Variants in MDGA1 observed in about 807,000 individuals in gnomAD.
MDGA1 encodes MAM domain containing glycosylphosphatidylinositol anchor 1.
A neutral mutation model predicts 101.5 loss-of-function variants in MDGA1; 54 were observed. The observed-to-expected ratio is 0.53, with a 90% confidence interval of 0.43 to 0.67. The LOEUF is 0.67. Among genes scored for constraint, MDGA1 ranks in the 30% least tolerant of loss-of-function variants. MDGA1 has a pLI of 0.00. For missense variants in MDGA1, 1,083 were observed against 1,323.8 expected (o/e 0.82, Z 2.82); for synonymous variants, 533 against 558.3 (o/e 0.95, Z 0.64).
intron 1 of MDGA1, among the ~76,000 whole-genome samples, chr6:37,676,228 G>A (rs2114079973): frequency 6.6e-6 from 1 of 152,364 alleles, no homozygotes; most frequent in Admixed American, 6.5e-5. Context: ...TAGGGATAGG[G>A]CACCACCAGG....
In MDGA1 at chr6:37,632,365, G is replaced by A. The variant is rs1763836578; in HGVS notation, c.*5003C>T. On this transcript the variant is annotated 3_prime_UTR_variant, in exon 17 of 17. Coordinates refer to ENST00000434837, the MANE Select transcript of MDGA1 (RefSeq NM_153487.4). Reference sequence around the variant, plus strand: ...TCACTGGGAGCAGACCAGGATGCAGGTCCTCACTGTCCAGGCCACAGAGCA... The same window carrying A: ...TCACTGGGAGCAGACCAGGATGCAGATCCTCACTGTCCAGGCCACAGAGCA... 6.6e-6 allele frequency: 1 copy of A among 152,268 alleles called. No individual in the cohort carries two copies. Among genetic ancestry groups the A allele is most frequent in the African/African-American group, 2.4e-5 (1 of 41,414 alleles). The allele number at this position is 152,268 out of a possible 1,614,324, so 9.4% of individuals were successfully genotyped here. A position where few individuals can be genotyped will look rare whatever the true frequency, so the allele number is the denominator to read the frequency against.
rs118135882 is a variant in MDGA1 at position 37,681,232 on chromosome 6, G to A, written c.67+15513C>T. ...CTCACGATGGGGGATATTTTCACTC[G>A]CGGACTGCTAATAGACTCAGGAGAA... On this transcript the variant is annotated intron_variant, in intron 1 of 16. Transcript: ENST00000434837. Among the ~76,000 whole-genome samples the A allele has an allele frequency of 2.3e-3, 357 of 152,258 alleles. 16 individuals carry two copies. In the East Asian group the frequency reaches 0.06, roughly 26 times the overall value.
rs192626264 is a variant in MDGA1, at chr6:37,682,048, C to T, written c.67+14697G>A. On this transcript the variant is annotated intron_variant, in intron 1 of 16. Coordinates refer to ENST00000434837, the MANE Select transcript of MDGA1 (RefSeq NM_153487.4). The stretch of plus-strand genomic sequence containing the variant: ...GCTTACTACCCTTGCCCACATCACA[C>T]ACACACACACCCCTCTGCAAATGAG... Among the ~76,000 whole-genome samples the T allele has an allele frequency of 4.8e-3, 735 of 152,348 alleles. 3 individuals are homozygous for T. Among genetic ancestry groups the T allele is most frequent in the African/African-American group, 0.016 (684 of 41,570 alleles).
intron 1 of MDGA1, among the ~76,000 whole-genome samples, chr6:37,669,964 T>C (rs940987381): frequency 2.0e-5 from 3 of 152,060 alleles, no homozygotes; most frequent in Non-Finnish European, 2.9e-5. Flanking sequence ...GGAGATGTGA[T>C]AAGGAACCAT....
At chr6:37,651,311 C>T (rs1761354123) in intron 7 of MDGA1, among the ~76,000 whole-genome samples, 1 of 152,194 alleles carries the variant, frequency 6.6e-6, no homozygotes, top group South Asian at 2.1e-4. Context: ...TGAAGACTTC[C>T]ATGAGTCCCA....
At chr6:37,667,646 T>G (rs947401097) in intron 1 of MDGA1, among the ~76,000 whole-genome samples, 19 of 152,300 alleles carry the variant, frequency 1.2e-4, no homozygotes, top group African/African-American at 4.3e-4. Context: ...TGGTTGCTGA[T>G]AAGACCAAGA....
chr6:37,656,029 C>G, intron 3 of MDGA1, 133 bp from the exon 4 acceptor site: 1 of 698,588 alleles, frequency 1.4e-6, no homozygotes, highest in South Asian at 2.0e-5. Flanking sequence ...GCCCTCTCAG[C>G]CCTGCAAGCT....
Position 37,655,266 on chromosome 6 carries a change from G to A in MDGA1, c.580-334C>T. ...TACAACCCACACAAACATGGGGCTG[G>A]CCTGCAGCCACCGCTGAAAGCCCTC... On this transcript the variant is annotated intron_variant, in intron 4 of 16. Transcript: ENST00000434837. This position sits in a 1 kb window ranked among gnomAD's most constrained non-coding sequence, Gnocchi z 5.1. The A allele has an allele frequency of 2.6e-6, 1 of 382,056 alleles. No homozygotes were observed. The highest frequency in any genetic ancestry group is 4.7e-6 in the Non-Finnish European group (1 of 211,424). 23.7% of individuals were successfully genotyped at this position (382,056 alleles called of 1,614,324 possible). A position where few individuals can be genotyped will look rare whatever the true frequency, so the allele number is the denominator to read the frequency against.
chr6:37,664,801 C>T (rs1761706932), intron 1 of MDGA1, among the ~76,000 whole-genome samples: 1 of 144,180 alleles, frequency 6.9e-6, no homozygotes, highest in Non-Finnish European at 1.5e-5. Flanking sequence ...ACTCCCCAGC[C>T]CCAACCATCT....
intron 2 of MDGA1, among the ~76,000 whole-genome samples, chr6:37,662,194 T>TG (rs961206183): frequency 7.8e-5 from 10 of 128,706 alleles, no homozygotes; most frequent in African/African-American, 3.0e-4. Flanking sequence ...GGAGGAGGGG[T>TG]GAGGTGAGAG....
chr6:37,663,940 C>G, intron 2 of MDGA1, 27 bp downstream of exon 2: 2 of 1,613,020 alleles, frequency 1.2e-6, no homozygotes, highest in South Asian at 2.2e-5. Flanking sequence ...TAGGAGGGGC[C>G]TGAGCAAGGC....
chr6:37,663,416 CAA>C (rs1237487888), intron 2 of MDGA1, among the ~76,000 whole-genome samples: 2 of 152,222 alleles, frequency 1.3e-5, no homozygotes, highest in Admixed American at 1.3e-4. Context: ...GTTCCCAACT[CAA>C]AGATGGACAT....
chr6:37,672,417 C>T (rs778248600), intron 1 of MDGA1, among the ~76,000 whole-genome samples: 3 of 152,018 alleles, frequency 2.0e-5, no homozygotes, highest in Non-Finnish European at 4.4e-5. Context: ...CCAGCCTGGG[C>T]GACAGAGCAA....
At chr6:37,684,952 T>C (rs771178917) in intron 1 of MDGA1, among the ~76,000 whole-genome samples, 1 of 152,114 alleles carries the variant, frequency 6.6e-6, no homozygotes, top group Non-Finnish European at 1.5e-5. Flanking sequence ...CCCATCTCTA[T>C]CTGCCCAGTA....
intron 3 of MDGA1, among the ~76,000 whole-genome samples, chr6:37,657,778 G>A (rs941791709): frequency 1.3e-5 from 2 of 152,184 alleles, no homozygotes; most frequent in Admixed American, 1.3e-4. Context: ...GCAGCTAGCA[G>A]CTAGGACCTG....
intron 9 of MDGA1, 25 bp downstream of exon 9, chr6:37,648,957 G>A: frequency 6.5e-7 from 1 of 1,544,124 alleles, no homozygotes; most frequent in Non-Finnish European, 8.7e-7. Context: ...CGTGGTAGGT[G>A]GGGCGGGACC....
chr6:37,683,228 G>A lies in MDGA1; in HGVS notation c.67+13517C>T, dbSNP rs187440310. ...CCTGAATTCTATCAGGAGAGTCTTG[G>A]AGAAATCGACACACTTGGATTCTGG... On this transcript the variant is annotated intron_variant, in intron 1 of 16. Coordinates refer to ENST00000434837, the MANE Select transcript of MDGA1 (RefSeq NM_153487.4). 5.9e-5 allele frequency among the ~76,000 whole-genome samples: 9 copies of A among 152,278 alleles called. No homozygotes were observed. In the East Asian group the frequency reaches 1.7e-3, roughly 29 times the overall value.
In MDGA1 at chr6:37,696,899, T is replaced by G. The variant is rs1212947778; in HGVS notation, c.-88A>C. On this transcript the variant is annotated 5_prime_UTR_variant, in exon 1 of 17. Coordinates refer to ENST00000434837, the MANE Select transcript of MDGA1 (RefSeq NM_153487.4). The surrounding 1 kb of genome is among the most constrained non-coding windows in gnomAD (Gnocchi z 5.6). ...TCGCCGGGGCCCCGCGACGCCCCTATGTCCCCCCCTTTCCCTGAGAGGTGA... is the reference window on the plus strand; with the variant it reads ...TCGCCGGGGCCCCGCGACGCCCCTAGGTCCCCCCCTTTCCCTGAGAGGTGA... 1 of 1,058,192 alleles carries G rather than the reference T, an allele frequency of 9.5e-7. No individual in the cohort carries two copies. The highest frequency in any genetic ancestry group is 1.4e-6 in the Non-Finnish European group (1 of 700,322). 65.6% of individuals were successfully genotyped at this position (1,058,192 alleles called of 1,614,324 possible).
intron 2 of MDGA1, among the ~76,000 whole-genome samples, chr6:37,663,504 C>G (rs1561852201): frequency 6.6e-6 from 1 of 152,316 alleles, no homozygotes; most frequent in East Asian, 1.9e-4. Flanking sequence ...ACAAGAGCTG[C>G]GTGCGCTTGG....
Sources: gnomAD v4.1 joint callset for allele counts (sites outside exome capture counted in the v4.1 genomes callset) on GRCh38, gnomAD v4.1.1 for gene constraint, Gnocchi (gnomAD v3.1) non-coding constraint, MANE v1.5 for transcripts, NCBI Gene and HGNC (gene_info 2026-07-23, HGNC 2026-07-21) for gene names.